The following CENPP variants were observed in gnomAD, a reference collection of about 807,000 sequenced individuals.
The protein encoded by CENPP is centromere protein P.
In CENPP, 24 loss-of-function variants were observed where a neutral mutation model predicts 35.6. The ratio of observed to expected loss-of-function variants is 0.67; its 90% confidence interval spans 0.49 to 0.95. CENPP has a LOEUF of 0.95. Among genes scored for constraint, CENPP ranks in the 40% least tolerant of loss-of-function variants. CENPP has a pLI of 0.00. For synonymous variants in CENPP, 120 were observed against 125.5 expected (o/e 0.96, Z 0.29); for missense variants, 332 against 345.3 (o/e 0.96, Z 0.31).
intron 4 of CENPP, among the ~76,000 whole-genome samples, chr9:92,371,966 A>C (rs1016644876): frequency 2.8e-5 from 4 of 144,438 alleles, no homozygotes; most frequent in African/African-American, 1.0e-4. Flanking sequence ...CCCGGGGTCA[A>C]GTGATTCTCC....
At position 92,466,639 on chromosome 9, in the gene CENPP, T is replaced by A. The variant is rs575015780; in HGVS notation, c.564+86780T>A. 65 of 1,319,960 alleles carry A rather than the reference T, an allele frequency of 4.9e-5. No homozygotes were observed. The South Asian group carries it at 7.6e-4, about 15-fold the overall frequency. 81.8% of individuals were successfully genotyped at this position (1,319,960 alleles called of 1,614,324 possible). A position where few individuals can be genotyped will look rare whatever the true frequency, so the allele number is the denominator to read the frequency against. The stretch of plus-strand genomic sequence containing the variant: ...TTGATTTACCAGTATTCTACAGTGA[T>A]TAGCCAATGATGGAAATCAGTACAA... On this transcript the variant is annotated intron_variant, in intron 5 of 7. Transcript: ENST00000375587.
intron 5 of CENPP, chr9:92,393,365 A>T (rs1842766438): frequency 1.4e-6 from 1 of 715,856 alleles, no homozygotes; most frequent in South Asian, 2.8e-5. Flanking sequence ...TTACAGAATC[A>T]TAAGAAAGAT....
chr9:92,385,712 C>T (rs1347347438), intron 5 of CENPP: 1 of 1,614,114 alleles, frequency 6.2e-7, no homozygotes. Context: ...AGGCGTATCT[C>T]TTCAATGCGG....
Position 92,618,927 on chromosome 9 carries a change from G to A in CENPP, c.*5778G>A, listed in dbSNP as rs1015109171. 1.3e-5 allele frequency: 4 copies of A among 296,522 alleles called. No individual in the cohort carries two copies. Among genetic ancestry groups the A allele is most frequent in the African/African-American group, 4.4e-5 (2 of 45,852 alleles). The allele number at this position is 296,522 out of a possible 1,614,324, so 18.4% of individuals were successfully genotyped here. On this transcript the variant is annotated 3_prime_UTR_variant, in exon 8 of 8. Coordinates refer to ENST00000375587, the MANE Select transcript of CENPP (RefSeq NM_001012267.3). ...ATCGGTGATGGAGATGCTGTCTAACGACTATGAGATTATCAGTTTCATCCC... is the reference window on the plus strand; with the variant it reads ...ATCGGTGATGGAGATGCTGTCTAACAACTATGAGATTATCAGTTTCATCCC...
At chr9:92,450,840 T>C (rs977735662) in intron 5 of CENPP, among the ~76,000 whole-genome samples, 2 of 152,242 alleles carry the variant, frequency 1.3e-5, no homozygotes, top group East Asian at 1.9e-4. Context: ...ATTTCTCTGA[T>C]GGTCAGTGAT....
chr9:92,461,169 TA>T (rs1845095212), intron 5 of CENPP, among the ~76,000 whole-genome samples: 1 of 152,220 alleles, frequency 6.6e-6, no homozygotes, highest in African/African-American at 2.4e-5. Context: ...TTTGCTGGAG[TA>T]TTTAAAGTCA....
At chr9:92,445,237 G>T (rs1331191450) in intron 5 of CENPP, among the ~76,000 whole-genome samples, 1 of 152,134 alleles carries the variant, frequency 6.6e-6, no homozygotes. Flanking sequence ...TCCTTTGTCT[G>T]TTCAGTCACC....
rs181726934 is a variant in CENPP at position 92,422,315 on chromosome 9, A to G, written c.564+42456A>G. Among the ~76,000 whole-genome samples, 46 of 152,276 alleles carry G rather than the reference A, an allele frequency of 3.0e-4. 1 individual carries two copies. The highest frequency in any genetic ancestry group is 1.9e-4 in the East Asian group (1 of 5,170). On this transcript the variant is annotated intron_variant, in intron 5 of 7. Coordinates refer to ENST00000375587, the MANE Select transcript of CENPP (RefSeq NM_001012267.3). ...GTGATCCGCCCACCTCAGCCTCCCA[A>G]AGTGCTGAGATTACAGGTGTGAGCC...
At chr9:92,515,209 G>T in intron 5 of CENPP, 1 of 1,546,300 alleles carries the variant, frequency 6.5e-7, no homozygotes, top group South Asian at 1.3e-5. Context: ...GGAGACTAAT[G>T]ACCACGCAAG....
intron 5 of CENPP, among the ~76,000 whole-genome samples, chr9:92,522,315 T>C (rs1848122901): frequency 6.6e-6 from 1 of 152,310 alleles, no homozygotes; most frequent in East Asian, 1.9e-4. Flanking sequence ...CTTAAACTCC[T>C]GACCTCGTGA....
chr9:92,427,236 C>T (rs145273858), intron 5 of CENPP, among the ~76,000 whole-genome samples: 1 of 152,326 alleles, frequency 6.6e-6, no homozygotes, highest in East Asian at 1.9e-4. Context: ...CGTCTTGGCT[C>T]ACTGCAGCCT....
At chr9:92,606,970 TAAC>T (rs987607693) in intron 5 of CENPP, among the ~76,000 whole-genome samples, 7 of 151,930 alleles carry the variant, frequency 4.6e-5, no homozygotes, top group Admixed American at 2.6e-4. Flanking sequence ...CTCAAAATAA[TAAC>T]AATAATAATA....
intron 1 of CENPP, among the ~76,000 whole-genome samples, chr9:92,329,157 G>C (rs557664969): frequency 2.0e-5 from 3 of 147,014 alleles, no homozygotes; most frequent in African/African-American, 7.5e-5. Context: ...GTGTTCACTT[G>C]TCAGAAGCTC....
intron 5 of CENPP, among the ~76,000 whole-genome samples, chr9:92,452,637 T>A (rs995937119): frequency 6.6e-6 from 1 of 152,174 alleles, no homozygotes; most frequent in African/African-American, 2.4e-5. Flanking sequence ...GAGGATTCCC[T>A]CTTTTTCTGT....
At chr9:92,524,393 G>T (rs1848261623) in intron 5 of CENPP, among the ~76,000 whole-genome samples, 1 of 152,200 alleles carries the variant, frequency 6.6e-6, no homozygotes, top group Non-Finnish European at 1.5e-5. Flanking sequence ...TGGTCAGACA[G>T]ACTGGCGCAA....
rs577792156 is a variant in CENPP, at chr9:92,574,320, C to T, written c.565-36994C>T. 4.6e-5 allele frequency among the ~76,000 whole-genome samples: 7 copies of T among 152,046 alleles called. No individual in the cohort carries two copies. The East Asian group carries it at 1.4e-3, about 29-fold the overall frequency. ...TATATGTAAAAAACTAAGGATTCTA[C>T]CCCCAAAAACCTGTGAAAACAAATA... On this transcript the variant is annotated intron_variant, in intron 5 of 7. Coordinates refer to ENST00000375587, the MANE Select transcript of CENPP (RefSeq NM_001012267.3).
intron 5 of CENPP, among the ~76,000 whole-genome samples, chr9:92,435,079 A>G (rs1844215214): frequency 6.6e-6 from 1 of 152,164 alleles, no homozygotes; most frequent in South Asian, 2.1e-4. Flanking sequence ...TATACTGTAC[A>G]CTGTGTACAA....
intron 5 of CENPP, among the ~76,000 whole-genome samples, chr9:92,587,690 G>C (rs914973713): frequency 6.6e-6 from 1 of 152,164 alleles, no homozygotes; most frequent in East Asian, 1.9e-4. Context: ...TGGTTGTTGG[G>C]GCCAAGGGAG....
At chr9:92,612,742 T>C in intron 7 of CENPP, 128 bp downstream of exon 7, 1 of 739,270 alleles carries the variant, frequency 1.4e-6, no homozygotes, top group Non-Finnish European at 2.3e-6. Context: ...ACTTTGTCTA[T>C]CAATTTTTAA....
Sources: gnomAD v4.1 joint callset for allele counts (sites outside exome capture counted in the v4.1 genomes callset) on GRCh38, gnomAD v4.1.1 for gene constraint, MANE v1.5 for transcripts, NCBI Gene and HGNC (gene_info 2026-07-23, HGNC 2026-07-21) for gene names.